Variants in MBD5 observed in about 807,000 individuals in gnomAD.
The protein encoded by MBD5 is methyl-CpG binding domain protein 5, also known as methyl-CpG-binding domain protein 5.
MBD5 carries 13 observed loss-of-function variants against 117.3 expected under a neutral mutation model. That is an observed-to-expected ratio of 0.11 (90% CI 0.07 to 0.18). The LOEUF is 0.18. Ranked by LOEUF, MBD5 falls within the 10% of genes least tolerant of loss-of-function variation. The probability of loss-of-function intolerance (pLI) is 1.00; values close to 1 mark genes in which losing one functional copy is unlikely to be tolerated. For synonymous variants in MBD5, 727 were observed against 766.4 expected, an observed-to-expected ratio of 0.95 and a Z score of 0.85; for missense variants, 1,879 against 2,093.8, an observed-to-expected ratio of 0.90 and a Z score of 2.00.
chr2:148,096,145 A>G (rs1696062802), intron 1 of MBD5, among the ~76,000 whole-genome samples: 1 of 152,214 alleles, frequency 6.6e-6, no homozygotes, highest in African/African-American at 2.4e-5. Context: ...AAATTTATTA[A>G]GCATTCTGGA....
intron 4 of MBD5, among the ~76,000 whole-genome samples, chr2:148,435,824 C>T (rs1706139348): frequency 1.3e-5 from 2 of 152,120 alleles, no homozygotes; most frequent in South Asian, 4.1e-4. Flanking sequence ...AGACAATATC[C>T]TCAAATATGT....
intron 1 of MBD5, among the ~76,000 whole-genome samples, chr2:148,046,621 G>T (rs868336786): frequency 9.9e-5 from 15 of 152,162 alleles, no homozygotes; most frequent in African/African-American, 3.6e-4. Context: ...AAATCGTATA[G>T]AATTGTTTTC....
At chr2:148,231,251 C>G (rs917923856) in intron 2 of MBD5, among the ~76,000 whole-genome samples, 5 of 152,168 alleles carry the variant, frequency 3.3e-5, no homozygotes, top group African/African-American at 7.2e-5. Flanking sequence ...CGATTCCTTT[C>G]TGGCTAAACA....
intron 3 of MBD5, among the ~76,000 whole-genome samples, chr2:148,281,844 G>T (rs546949433): frequency 2.4e-4 from 36 of 152,148 alleles, no homozygotes; most frequent in African/African-American, 8.4e-4. Flanking sequence ...CACAGTTTGG[G>T]GAATCACATC....
At chr2:148,444,456 C>G (rs1004622283) in intron 4 of MBD5, among the ~76,000 whole-genome samples, 6 of 151,320 alleles carry the variant, frequency 4.0e-5, no homozygotes, top group African/African-American at 1.5e-4. Flanking sequence ...ATATTTATTA[C>G]TTCATCACTT....
Position 148,469,345 on chromosome 2 carries a change from G to C in MBD5, c.1402G>C (p.Asp468His), listed in dbSNP as rs1438588413. 9 of 1,613,706 alleles carry C rather than the reference G, an allele frequency of 5.6e-6. No homozygotes were observed. The highest frequency in any genetic ancestry group is 8.5e-7 in the Non-Finnish European group (1 of 1,179,928). ...ATCACGCTCATCTTCCACATCATCA[G>C]ATCATGGAAATTTCATGATGCCACC... ...QRSRSSSTSS[D>H]HGNFMMPPVG... Residue 468 changes from aspartate (D) to histidine (H), a missense_variant, in exon 8 of 14, where the codon GAT becomes CAT. Coordinates refer to ENST00000642680, the MANE Select transcript of MBD5 (RefSeq NM_001378120.1).
intron 4 of MBD5, among the ~76,000 whole-genome samples, chr2:148,413,204 G>A (rs1705316117): frequency 6.6e-6 from 1 of 152,058 alleles, no homozygotes; most frequent in Non-Finnish European, 1.5e-5. Flanking sequence ...AGCCTATTCT[G>A]CGTCTATTAA....
intron 1 of MBD5, among the ~76,000 whole-genome samples, chr2:148,038,187 A>G (rs1229767962): frequency 1.3e-5 from 2 of 152,084 alleles, no homozygotes; most frequent in Non-Finnish European, 2.9e-5. Flanking sequence ...CAGGATGCCT[A>G]GAAAGTTCAA....
At chr2:148,461,201 G>A (rs1054598907) in intron 5 of MBD5, among the ~76,000 whole-genome samples, 2 of 152,146 alleles carry the variant, frequency 1.3e-5, no homozygotes, top group African/African-American at 4.8e-5. Context: ...CCAAAGTGCT[G>A]GGTTTACAGG....
intron 3 of MBD5, among the ~76,000 whole-genome samples, chr2:148,325,700 A>G (rs1702427834): frequency 6.6e-6 from 1 of 151,626 alleles, no homozygotes; most frequent in African/African-American, 2.4e-5. Context: ...ATCATTTTTT[A>G]TTGCGTCTAC....
At chr2:148,129,150 A>G (rs1394141492) in intron 1 of MBD5, among the ~76,000 whole-genome samples, 1 of 152,220 alleles carries the variant, frequency 6.6e-6, no homozygotes, top group Non-Finnish European at 1.5e-5. Context: ...CTTGATCAAG[A>G]AAACAGAACA....
chr2:148,032,367 G>A (rs994867294), intron 1 of MBD5, among the ~76,000 whole-genome samples: 1 of 152,152 alleles, frequency 6.6e-6, no homozygotes, highest in African/African-American at 2.4e-5. Flanking sequence ...AGGGCTTTTA[G>A]AAGGAGAATT....
chr2:148,163,806 C>T (rs1698066017), intron 1 of MBD5, among the ~76,000 whole-genome samples: 1 of 151,882 alleles, frequency 6.6e-6, no homozygotes, highest in African/African-American at 2.4e-5. Flanking sequence ...ATGTAGAAAA[C>T]AATGTATTAT....
At chr2:148,512,589 A>G (rs1190114623) in intron 13 of MBD5, among the ~76,000 whole-genome samples, 2 of 152,202 alleles carry the variant, frequency 1.3e-5, no homozygotes, top group Non-Finnish European at 2.9e-5. Context: ...TGCATTTCCC[A>G]TACTTGATTT....
At chr2:148,213,001 G>A (rs1699464066) in intron 2 of MBD5, among the ~76,000 whole-genome samples, 1 of 152,134 alleles carries the variant, frequency 6.6e-6, no homozygotes, top group South Asian at 2.1e-4. Flanking sequence ...CATGATAACA[G>A]TGGCTTACTT....
intron 4 of MBD5, among the ~76,000 whole-genome samples, chr2:148,411,378 G>A (rs912268153): frequency 1.3e-5 from 2 of 152,102 alleles, no homozygotes; most frequent in Admixed American, 1.3e-4. Flanking sequence ...TGGGATCACT[G>A]GGTCGAGTGA....
At chr2:148,345,591 ACG>A (rs1160077286) in intron 4 of MBD5, among the ~76,000 whole-genome samples, 1,711 of 77,424 alleles carry the variant, frequency 0.022, 77 homozygotes, top group African/African-American at 0.08. Flanking sequence ...ATGTATATAC[ACG>A]TATACACATA....
At chr2:148,176,489 C>T (rs1698392971) in intron 1 of MBD5, among the ~76,000 whole-genome samples, 1 of 151,822 alleles carries the variant, frequency 6.6e-6, no homozygotes, top group Non-Finnish European at 1.5e-5. Flanking sequence ...ACCGCAACCT[C>T]TGTCTCCTGG....
At chr2:148,256,903 C>T (rs549096540) in intron 3 of MBD5, among the ~76,000 whole-genome samples, 10 of 152,354 alleles carry the variant, frequency 6.6e-5, no homozygotes, top group African/African-American at 2.2e-4. Flanking sequence ...CTCCACTGCT[C>T]CAAGTAGGCA....
Sources: allele counts gnomAD v4.1 joint callset (sites outside exome capture counted in the v4.1 genomes callset), GRCh38; gene constraint gnomAD v4.1.1; transcripts MANE v1.5; gene names NCBI Gene and HGNC (gene_info 2026-07-23, HGNC 2026-07-21).